Variants in MAGI2 observed in about 807,000 individuals in gnomAD.
MAGI2 encodes membrane associated guanylate kinase, WW and PDZ domain containing 2.
Under a neutral mutation model 133.3 loss-of-function variants are expected in MAGI2, and 35 were observed. The ratio of observed to expected loss-of-function variants is 0.26; its 90% CI spans 0.20 to 0.35. The LOEUF is 0.35. MAGI2 is among the 10% of genes least tolerant of loss of function. The pLI is 1.00. For synonymous variants in MAGI2, 729 were observed against 710.6 expected, an observed-to-expected ratio of 1.03 and a Z score of -0.41; for missense variants, 1,636 against 1,863.4, an observed-to-expected ratio of 0.88 and a Z score of 2.25.
chr7:79,186,211 TATATATATATATA>T (rs1238415620), intron 1 of MAGI2, among the ~76,000 whole-genome samples: 1 of 4,100 alleles, frequency 2.4e-4, no homozygotes, highest in Non-Finnish European at 2.1e-3. Flanking sequence ...TATATATATA[TATATATATATATA>T]TATATATATA....
intron 2 of MAGI2, among the ~76,000 whole-genome samples, chr7:78,863,306 T>C (rs554914813): frequency 6.6e-6 from 1 of 152,324 alleles, no homozygotes; most frequent in South Asian, 2.1e-4. Context: ...GAGGAGTTTA[T>C]TTAGCTTATG....
Position 79,101,318 on chromosome 7 carries a change from G to C in MAGI2, c.302-94112C>G, listed in dbSNP as rs76497880. Among the ~76,000 whole-genome samples, 736 of 152,208 alleles carry C rather than the reference G, an allele frequency of 4.8e-3. 4 individuals carry two copies. Among genetic ancestry groups the C allele is most frequent in the African/African-American group, 0.017 (695 of 41,534 alleles). On this transcript the variant is annotated intron_variant, in intron 1 of 21. Coordinates refer to ENST00000354212, the MANE Select transcript of MAGI2 (RefSeq NM_012301.4). ...TGAACATCATTATATTAAGCTTGAA[G>C]ACCAGAACTAGGTGGGCTGTGCAGC...
chr7:78,869,543 A>AG (rs1472390805), intron 2 of MAGI2, among the ~76,000 whole-genome samples: 1 of 152,196 alleles, frequency 6.6e-6, no homozygotes, highest in Non-Finnish European at 1.5e-5. Flanking sequence ...TAATTTATAA[A>AG]GGAAAGAAGT....
chr7:78,297,221 A>G (rs1797345540), intron 9 of MAGI2, among the ~76,000 whole-genome samples: 1 of 152,174 alleles, frequency 6.6e-6, no homozygotes, highest in Admixed American at 6.5e-5. Flanking sequence ...CCTGACAAAC[A>G]CTACACTAGC....
chr7:78,240,846 T>A (rs917216198), intron 10 of MAGI2, among the ~76,000 whole-genome samples: 10 of 152,212 alleles, frequency 6.6e-5, no homozygotes, highest in African/African-American at 2.4e-4. Context: ...GATTTAACAT[T>A]AGTACATATA....
At chr7:78,068,266 T>C (rs1039438908) in intron 21 of MAGI2, among the ~76,000 whole-genome samples, 17 of 152,248 alleles carry the variant, frequency 1.1e-4, no homozygotes, top group Admixed American at 5.9e-4. Flanking sequence ...CTGCCACTGA[T>C]CTGACAGGAG....
intron 2 of MAGI2, among the ~76,000 whole-genome samples, chr7:78,630,550 G>A (rs1191971534): frequency 6.6e-6 from 1 of 150,626 alleles, no homozygotes; most frequent in Non-Finnish European, 1.5e-5. Context: ...TTGAGTAGCT[G>A]TGACTATAGG....
At chr7:79,256,486 C>CTTTTTTTTTTTT (rs11303181) in intron 1 of MAGI2, among the ~76,000 whole-genome samples, 1 of 82,774 alleles carries the variant, frequency 1.2e-5, no homozygotes, top group Admixed American at 1.6e-4. Context: ...CTCTCTCTCT[C>CTTTTTTTTTTTT]TTTTTTTTTT....
At chr7:78,260,267 G>A (rs974474573) in intron 9 of MAGI2, among the ~76,000 whole-genome samples, 9 of 152,130 alleles carry the variant, frequency 5.9e-5, no homozygotes, top group Admixed American at 1.3e-4. Flanking sequence ...TTTACATGTC[G>A]TGAAATAAAA....
rs1252755519 is a variant in MAGI2 at position 79,310,121 on chromosome 7, G to A, written c.301+142899C>T. Among the ~76,000 whole-genome samples, 8 of 116,830 alleles carry A rather than the reference G, an allele frequency of 6.8e-5. No individual in the cohort carries two copies. In the Admixed American group the frequency reaches 8.5e-4, roughly 12 times the overall value. The allele number at this position is 116,830 out of a possible 152,430, so 76.6% of individuals were successfully genotyped here. A position where few individuals can be genotyped will look rare whatever the true frequency, so the allele number is the denominator to read the frequency against. ...GGAGGTTGCAACAAGCCGAGATCGT[G>A]CTACTGCACTCAAGCCTGGGAGACA... On this transcript the variant is annotated intron_variant, in intron 1 of 21. Transcript: ENST00000354212.
chr7:78,827,265 G>A (rs535258590), intron 2 of MAGI2, among the ~76,000 whole-genome samples: 22 of 151,280 alleles, frequency 1.5e-4, no homozygotes, highest in African/African-American at 4.6e-4. Context: ...TTAGGGAAAT[G>A]TATTTTTTTT....
At chr7:78,345,535 G>T (rs1790812931) in intron 8 of MAGI2, 1 of 181,526 alleles carries the variant, frequency 5.5e-6, no homozygotes, top group African/African-American at 2.4e-5. Context: ...GGGGGCGGAT[G>T]GATTTGGGCC....
At chr7:78,725,975 G>A (rs2151212263) in intron 2 of MAGI2, among the ~76,000 whole-genome samples, 1 of 152,070 alleles carries the variant, frequency 6.6e-6, no homozygotes, top group African/African-American at 2.4e-5. Flanking sequence ...TTATATCCCA[G>A]GCTTTTAATA....
At chr7:79,186,959 T>G (rs983229312) in intron 1 of MAGI2, among the ~76,000 whole-genome samples, 1 of 151,106 alleles carries the variant, frequency 6.6e-6, no homozygotes, top group Non-Finnish European at 1.5e-5. Context: ...CAGACTATAT[T>G]TGCTTTAAGG....
intron 1 of MAGI2, among the ~76,000 whole-genome samples, chr7:79,046,406 C>A (rs1369954882): frequency 6.6e-6 from 1 of 152,166 alleles, no homozygotes; most frequent in Non-Finnish European, 1.5e-5. Context: ...ACCCTACAGA[C>A]ATCTTGATCT....
At chr7:78,717,816 G>A (rs187909152) in intron 2 of MAGI2, among the ~76,000 whole-genome samples, 8 of 152,250 alleles carry the variant, frequency 5.3e-5, no homozygotes, top group Admixed American at 1.3e-4. Context: ...GGAGCCATTA[G>A]AGTGGTTCAC....
chr7:78,195,053 C>T lies in MAGI2; in HGVS notation c.2090G>A (p.Arg697Gln), dbSNP rs199834618. The T allele has an allele frequency of 5.1e-5, 82 of 1,605,296 alleles. No individual in the cohort carries two copies. The highest frequency in any genetic ancestry group is 2.0e-4 in the East Asian group (9 of 44,520). The stretch of plus-strand genomic sequence containing the variant: ...TTGAGGACTGCCTTGATTCTCCCAT[C>T]GGTCCATTATCTGAAAAGTGACAGA... ...PWKTPKPIMD[R>Q]WENQGSPQTS... The change falls in exon 12 of 22, where the codon CGA (arginine) becomes CAA (glutamine). Residue 697 changes from arginine to glutamine, a missense_variant. Coordinates refer to ENST00000354212, the MANE Select transcript of MAGI2 (RefSeq NM_012301.4).
At position 78,151,312 on chromosome 7, in the gene MAGI2, G is replaced by T. The variant is rs1352645593; in HGVS notation, c.2845+8713C>A. 2.0e-5 allele frequency among the ~76,000 whole-genome samples: 3 copies of T among 152,232 alleles called. No homozygotes were observed. The East Asian group carries it at 5.8e-4, about 29-fold the overall frequency. Reference sequence around the variant, plus strand: ...ATGGGTTGCTTTGTTAATGAGAATTGTAAGTGAATAAATAATCTGAAGTAA... The same window carrying T: ...ATGGGTTGCTTTGTTAATGAGAATTTTAAGTGAATAAATAATCTGAAGTAA... On this transcript the variant is annotated intron_variant, in intron 16 of 21. Transcript: ENST00000354212.
At chr7:79,006,764 A>G (rs1166080915) in intron 2 of MAGI2, 4 of 201,604 alleles carry the variant, frequency 2.0e-5, no homozygotes, top group African/African-American at 9.2e-5. Context: ...CTGTCTCCCA[A>G]TGTGGAGTTC....
Sources: allele counts gnomAD v4.1 joint callset (sites outside exome capture counted in the v4.1 genomes callset), GRCh38; gene constraint gnomAD v4.1.1; transcripts MANE v1.5; gene names NCBI Gene and HGNC (gene_info 2026-07-23, HGNC 2026-07-21).